The following NCAM2 variants were observed in gnomAD, a reference collection of about 807,000 sequenced individuals.
NCAM2 encodes the protein neural cell adhesion molecule 2, also known as N-CAM-2.
In NCAM2, 30 loss-of-function variants were observed where a neutral mutation model predicts 98.1. That is an observed-to-expected ratio of 0.31 (90% CI 0.23 to 0.41). The LOEUF (loss-of-function observed/expected upper bound fraction) is 0.41, where lower values mean the gene tolerates loss of function less well. Ranked by LOEUF, NCAM2 falls within the 10% of genes least tolerant of loss-of-function variation. The pLI is 1.00. For missense variants in NCAM2, 867 were observed against 1,005.8 expected (o/e 0.86, Z 1.87); for synonymous variants, 368 against 342.4 (o/e 1.07, Z -0.83).
chr21:21,210,760 G>A (rs2147079114), intron 1 of NCAM2: 1 of 692,466 alleles, frequency 1.4e-6, no homozygotes, highest in Non-Finnish European at 2.0e-6. Flanking sequence ...AGGCAATGAG[G>A]TGGAGAACAT....
intron 16 of NCAM2, among the ~76,000 whole-genome samples, chr21:21,531,671 G>T (rs982645941): frequency 6.6e-6 from 1 of 151,936 alleles, no homozygotes; most frequent in East Asian, 1.9e-4. Context: ...TACATTTTGT[G>T]ACTATTTTGA....
rs58330278 is a variant in NCAM2, at chr21:21,254,949, A to ATG, written c.56-25599_56-25598dup. Among the ~76,000 whole-genome samples, 321 of 148,390 alleles carry ATG rather than the reference A, an allele frequency of 2.2e-3. 2 individuals are homozygous for ATG. Among genetic ancestry groups the ATG allele is most frequent in the African/African-American group, 6.7e-3 (271 of 40,170 alleles). Reference sequence around the variant, plus strand: ...GTATGTGTACCCACATAGCATATCTATGTGTGTGTGTGTGTGTGTGTGTGT... The same window carrying ATG: ...GTATGTGTACCCACATAGCATATCTATGTGTGTGTGTGTGTGTGTGTGTGTGT... On this transcript the variant is annotated intron_variant, in intron 1 of 17. Transcript: ENST00000400546.
chr21:21,366,762 C>T (rs1602121204), intron 8 of NCAM2, among the ~76,000 whole-genome samples: 1 of 152,074 alleles, frequency 6.6e-6, no homozygotes, highest in South Asian at 2.1e-4. Context: ...TCATCAAATC[C>T]CATGTATATG....
intron 9 of NCAM2, among the ~76,000 whole-genome samples, chr21:21,406,106 G>A (rs780654492): frequency 4.6e-5 from 7 of 151,980 alleles, no homozygotes; most frequent in Admixed American, 1.3e-4. Context: ...AAATTATTCC[G>A]AGACCTGTTA....
chr21:21,228,041 T>TA (rs1457842909), intron 1 of NCAM2, among the ~76,000 whole-genome samples: 1 of 151,636 alleles, frequency 6.6e-6, no homozygotes, highest in South Asian at 2.1e-4. Flanking sequence ...GAGTGGAACA[T>TA]ACAACCCATG....
intron 1 of NCAM2, among the ~76,000 whole-genome samples, chr21:21,099,476 C>T (rs1413342110): frequency 1.3e-5 from 2 of 151,846 alleles, no homozygotes. Context: ...CTTCACAGGG[C>T]AGCAAGAGAG....
At chr21:21,099,842 T>C (rs535145810) in intron 1 of NCAM2, among the ~76,000 whole-genome samples, 5 of 152,106 alleles carry the variant, frequency 3.3e-5, no homozygotes, top group African/African-American at 1.2e-4. Flanking sequence ...CTGCCTGTTA[T>C]GTCATCTTTA....
At chr21:21,511,718 G>A (rs1988396413) in intron 16 of NCAM2, among the ~76,000 whole-genome samples, 2 of 152,078 alleles carry the variant, frequency 1.3e-5, no homozygotes, top group South Asian at 4.1e-4. Flanking sequence ...TAATCCACAA[G>A]TGTATAATGG....
intron 1 of NCAM2, among the ~76,000 whole-genome samples, chr21:21,118,749 A>G (rs1339872118): frequency 6.6e-6 from 1 of 151,918 alleles, no homozygotes; most frequent in Non-Finnish European, 1.5e-5. Flanking sequence ...TCCATCCTCA[A>G]CACACATATT....
At chr21:21,259,619 A>G (rs1413242621) in intron 1 of NCAM2, among the ~76,000 whole-genome samples, 2 of 151,894 alleles carry the variant, frequency 1.3e-5, no homozygotes, top group Non-Finnish European at 2.9e-5. Flanking sequence ...CAAATAAAAA[A>G]CCTGCTGCTA....
intron 1 of NCAM2, among the ~76,000 whole-genome samples, chr21:21,104,962 C>T (rs1458625268): frequency 6.6e-5 from 10 of 152,010 alleles, no homozygotes; most frequent in Admixed American, 6.6e-4. Flanking sequence ...AAATCTCTGC[C>T]AACAACCCTG....
At position 21,542,757 on chromosome 21, in the gene NCAM2, G is replaced by A. The variant is rs73218070; in HGVS notation, c.*4800G>A. On this transcript the variant is annotated 3_prime_UTR_variant, in exon 18 of 18. Coordinates refer to ENST00000400546, the MANE Select transcript of NCAM2 (RefSeq NM_004540.5). Reference sequence around the variant, plus strand: ...TGCTAGACCAGGGACTAGGAACGTTGCTTAGATAAAAATTATGGCCGATTA... The same window carrying A: ...TGCTAGACCAGGGACTAGGAACGTTACTTAGATAAAAATTATGGCCGATTA... The A allele has an allele frequency of 3.9e-5, 6 of 152,002 alleles. No individual in the cohort carries two copies. Among genetic ancestry groups the A allele is most frequent in the Non-Finnish European group, 5.9e-5 (4 of 67,858 alleles). The allele number at this position is 152,002 out of a possible 1,614,324, so 9.4% of individuals were successfully genotyped here. A position where few individuals can be genotyped will look rare whatever the true frequency, so the allele number is the denominator to read the frequency against.
chr21:21,452,634 A>G (rs1159886285), intron 12 of NCAM2, among the ~76,000 whole-genome samples: 1 of 111,752 alleles, frequency 8.9e-6, no homozygotes, highest in East Asian at 2.4e-4. Flanking sequence ...ACAATATATT[A>G]TATATTATAT....
intron 6 of NCAM2, among the ~76,000 whole-genome samples, chr21:21,331,517 C>CTCTCTCTCTCTCTATATATATATATA (rs1483062198): frequency 2.9e-4 from 2 of 6,938 alleles, no homozygotes; most frequent in East Asian, 2.3e-3. Context: ...CTCTCTCTCT[C>CTCTCTCTCTCTCTATATATATATATA]TATATATATA....
chr21:21,472,665 G>T (rs902144319), intron 14 of NCAM2, among the ~76,000 whole-genome samples: 3 of 150,822 alleles, frequency 2.0e-5, no homozygotes, highest in Admixed American at 1.3e-4. Flanking sequence ...ATTATAAATA[G>T]AATAATTAAT....
At chr21:21,238,835 G>T (rs987093905) in intron 1 of NCAM2, among the ~76,000 whole-genome samples, 2 of 152,098 alleles carry the variant, frequency 1.3e-5, no homozygotes, top group African/African-American at 4.8e-5. Context: ...TCCTGGGGTT[G>T]CAAAATGGCA....
chr21:21,176,325 G>T (rs1208105964), intron 1 of NCAM2, among the ~76,000 whole-genome samples: 1 of 151,910 alleles, frequency 6.6e-6, no homozygotes, highest in East Asian at 1.9e-4. Flanking sequence ...GAATAATTCA[G>T]AAAAAAACAT....
At chr21:21,265,257 G>A (rs1410321353) in intron 1 of NCAM2, among the ~76,000 whole-genome samples, 23 of 122,562 alleles carry the variant, frequency 1.9e-4, no homozygotes, top group South Asian at 4.9e-4. Context: ...GTATATATAC[G>A]TATATACACA....
intron 12 of NCAM2, among the ~76,000 whole-genome samples, chr21:21,445,674 T>C (rs1392418141): frequency 6.6e-6 from 1 of 152,112 alleles, no homozygotes; most frequent in East Asian, 1.9e-4. Flanking sequence ...TTTTTTTTTC[T>C]TGGTAAATTT....
Sources: allele counts gnomAD v4.1 joint callset (sites outside exome capture counted in the v4.1 genomes callset), GRCh38; gene constraint gnomAD v4.1.1; transcripts MANE v1.5; gene names NCBI Gene and HGNC (gene_info 2026-07-23, HGNC 2026-07-21).